Variants in BICRAL observed in about 807,000 individuals in gnomAD.
BICRAL encodes the protein BICRA like chromatin remodeling complex associated protein.
Under a neutral mutation model 91.8 loss-of-function variants are expected in BICRAL, and 8 were observed. The ratio of observed to expected loss-of-function variants is 0.09; its 90% CI spans 0.05 to 0.16. The LOEUF is 0.16. Among genes scored for constraint, BICRAL ranks in the 10% least tolerant of loss-of-function variants. BICRAL has a pLI of 1.00. For synonymous variants in BICRAL, 445 were observed against 491.1 expected, an observed-to-expected ratio of 0.91 and a Z score of 1.24; for missense variants, 1,038 against 1,310.9, an observed-to-expected ratio of 0.79 and a Z score of 3.21.
At chr6:42,863,930 G>A (rs183663481) in intron 12 of BICRAL, among the ~76,000 whole-genome samples, 7 of 152,114 alleles carry the variant, frequency 4.6e-5, no homozygotes, top group Admixed American at 2.6e-4. Flanking sequence ...TTCGGAGGCC[G>A]AGGTGGGCGG....
chr6:42,784,789 C>T (rs927461079), intron 1 of BICRAL, among the ~76,000 whole-genome samples: 1 of 152,168 alleles, frequency 6.6e-6, no homozygotes, highest in Admixed American at 6.5e-5. Context: ...TCACCTCTTC[C>T]ACCATCATTT....
rs1393691191 is a variant in BICRAL, at chr6:42,866,897, G to T, written c.*1451G>T. 6 of 455,880 alleles carry T rather than the reference G, an allele frequency of 1.3e-5. No homozygotes were observed. The highest frequency in any genetic ancestry group is 2.6e-5 in the Non-Finnish European group (6 of 226,744). The allele number at this position is 455,880 out of a possible 1,614,324, so 28.2% of individuals were successfully genotyped here. On this transcript the variant is annotated 3_prime_UTR_variant, in exon 13 of 13. Coordinates refer to ENST00000314073, the MANE Select transcript of BICRAL (RefSeq NM_001393499.1). ...CTCTCATTGGGAAAGCTACATGATA[G>T]TATTTTTATGCACTCTTCTCCCACA... is the stretch of plus-strand genomic sequence containing the variant.
chr6:42,832,054 AAT>A (rs1183881884), intron 6 of BICRAL, among the ~76,000 whole-genome samples: 1 of 151,600 alleles, frequency 6.6e-6, no homozygotes, highest in Non-Finnish European at 1.5e-5. Flanking sequence ...CAATCTTTTA[AAT>A]ATATATATCG....
At chr6:42,780,710 A>T (rs1469556055), upstream of BICRAL, among the ~76,000 whole-genome samples, 3 of 151,110 alleles carry the variant, frequency 2.0e-5, no homozygotes, top group Non-Finnish European at 4.4e-5. Context: ...ACCTGCTCCC[A>T]CTCCAGGCCA....
chr6:42,795,973 A>AATCATT (rs1206577029), intron 1 of BICRAL, among the ~76,000 whole-genome samples: 1 of 152,250 alleles, frequency 6.6e-6, no homozygotes, highest in Non-Finnish European at 1.5e-5. Context: ...ACAACAGTGT[A>AATCATT]TGGTAAGTGC....
chr6:42,845,871 G>A (rs1370808994), intron 6 of BICRAL, among the ~76,000 whole-genome samples: 3 of 150,622 alleles, frequency 2.0e-5, no homozygotes, highest in African/African-American at 7.4e-5. Flanking sequence ...AGACCATCCT[G>A]GCTAACACGG....
Position 42,860,292 on chromosome 6 carries a change from A to G in BICRAL, c.2285A>G (p.Gln762Arg), listed in dbSNP as rs1765515092. 5.6e-6 allele frequency: 9 copies of G among 1,609,196 alleles called. No homozygotes were observed. The highest frequency in any genetic ancestry group is 1.3e-5 in the African/African-American group (1 of 74,838). ...VDNEFETVAT[Q>R]LLKRTQAMLN... The stretch of plus-strand genomic sequence containing the variant: ...AATGAATTTGAGACAGTTGCCACTC[A>G]GCTCCTAAAAAGGACCCAAGCTATG... Residue 762 changes from glutamine (Q) to arginine (R), a missense_variant, in exon 11 of 13, where the codon CAG becomes CGG. Transcript: ENST00000314073.
intron 1 of BICRAL, among the ~76,000 whole-genome samples, chr6:42,759,256 G>A (rs1334186679): frequency 6.6e-6 from 1 of 152,230 alleles, no homozygotes; most frequent in Non-Finnish European, 1.5e-5. Context: ...CTGTTAGGAA[G>A]TTTCAGCTTA....
At chr6:42,795,227 T>C (rs747523921) in intron 1 of BICRAL, among the ~76,000 whole-genome samples, 1 of 152,104 alleles carries the variant, frequency 6.6e-6, no homozygotes, top group Non-Finnish European at 1.5e-5. Flanking sequence ...GGTTAGGAGT[T>C]CAAGACCAGC....
At chr6:42,845,190 TGGGTG>T (rs1764959837) in intron 6 of BICRAL, among the ~76,000 whole-genome samples, 1 of 136,820 alleles carries the variant, frequency 7.3e-6, no homozygotes, top group Non-Finnish European at 1.6e-5. Flanking sequence ...TTTTGTTTTT[TGGGTG>T]TTTTTTTTTT....
intron 1 of BICRAL, among the ~76,000 whole-genome samples, chr6:42,753,167 T>C (rs1274250628): frequency 1.3e-5 from 2 of 151,970 alleles, no homozygotes; most frequent in African/African-American, 4.8e-5. Context: ...CCTCAGGTGA[T>C]CCATCCACCT....
Position 42,866,382 on chromosome 6 carries a change from A to G in BICRAL, c.*936A>G, listed in dbSNP as rs1173229872. On this transcript the variant is annotated 3_prime_UTR_variant, in exon 13 of 13. Coordinates refer to ENST00000314073, the MANE Select transcript of BICRAL (RefSeq NM_001393499.1). ...AACAAGTTTTGCATTTTATAATTGG[A>G]TATAGTCAACATATAATGTATGTTT... 5.9e-6 allele frequency: 1 copy of G among 170,346 alleles called. No homozygotes were observed. The highest frequency in any genetic ancestry group is 1.3e-5 in the Non-Finnish European group (1 of 78,326). The allele number at this position is 170,346 out of a possible 1,614,324, so 10.6% of individuals were successfully genotyped here.
intron 1 of BICRAL, among the ~76,000 whole-genome samples, chr6:42,776,043 T>G (rs1269377719): frequency 6.6e-6 from 1 of 152,142 alleles, no homozygotes; most frequent in African/African-American, 2.4e-5. Flanking sequence ...TTATTTTGAG[T>G]CAGAGTCTTT....
At position 42,862,565 on chromosome 6, in the gene BICRAL, A is replaced by G. The variant is rs751235167; in HGVS notation, c.2405A>G (p.Glu802Gly). The G allele has an allele frequency of 1.5e-5, 24 of 1,612,552 alleles. No homozygotes were observed. The South Asian group carries it at 2.5e-4, about 17-fold the overall frequency. Residue 802 changes from glutamate to glycine, a missense_variant, in exon 12 of 13, where the codon GAA becomes GGA. Glu to Gly is a moderately conservative substitution (Grantham distance 98, BLOSUM62 -2). This residue lies in a region of BICRAL where 294 missense variants were observed against 292.6 expected (regional missense o/e 1.00). Coordinates refer to ENST00000314073, the MANE Select transcript of BICRAL (RefSeq NM_001393499.1). ...VMIDRMFNQE[E>G]RASLSRDKRL... ...ATCGATAGGATGTTCAACCAGGAGG[A>G]AAGAGCTTCCCTGTCCCGAGACAAG...
chr6:42,797,034 A>C (rs1763431966), intron 1 of BICRAL, among the ~76,000 whole-genome samples: 1 of 149,678 alleles, frequency 6.7e-6, no homozygotes, highest in Admixed American at 6.7e-5. Context: ...ACAAGAGCGA[A>C]ACTCTGTCTC....
At chr6:42,761,578 A>G (rs912149624) in intron 1 of BICRAL, among the ~76,000 whole-genome samples, 1 of 152,164 alleles carries the variant, frequency 6.6e-6, no homozygotes, top group African/African-American at 2.4e-5. Flanking sequence ...TACTTCTTTC[A>G]TCTGTTGCAT....
intron 1 of BICRAL, among the ~76,000 whole-genome samples, chr6:42,796,514 A>G (rs1044403643): frequency 6.6e-6 from 1 of 152,174 alleles, no homozygotes. Flanking sequence ...TGGTTTTTAC[A>G]TGGGAGGAAA....
chr6:42,755,822 G>A (rs1762450250), intron 1 of BICRAL, among the ~76,000 whole-genome samples: 2 of 151,854 alleles, frequency 1.3e-5, no homozygotes, highest in Admixed American at 6.6e-5. Context: ...GGCGCACGCC[G>A]CCACGCCCGG....
intron 6 of BICRAL, among the ~76,000 whole-genome samples, chr6:42,844,508 CAAAA>C (rs34115804): frequency 0.039 from 1,222 of 31,234 alleles, 70 homozygotes; most frequent in Non-Finnish European, 0.068. Context: ...GACTCCATCT[CAAAA>C]AAAAAAAAAA....
Sources: gnomAD v4.1 joint callset for allele counts (sites outside exome capture counted in the v4.1 genomes callset) on GRCh38, gnomAD v4.1.1 for gene constraint, gnomAD v4.1.1 regional missense constraint, MANE v1.5 for transcripts, NCBI Gene and HGNC (gene_info 2026-07-23, HGNC 2026-07-21) for gene names.